ACBD5: variants seen among roughly 807,000 people sequenced by gnomAD.
ACBD5 encodes the protein acyl-CoA binding domain containing 5.
A neutral mutation model predicts 71.8 loss-of-function variants in ACBD5; 40 were observed. That is an observed-to-expected ratio of 0.56 (90% CI 0.43 to 0.72). The LOEUF is 0.72. Among genes scored for constraint, ACBD5 ranks in the 30% least tolerant of loss-of-function variants. The probability of loss-of-function intolerance (pLI) is 0.00; values close to 1 mark genes in which losing one functional copy is unlikely to be tolerated. For synonymous variants in ACBD5, 229 were observed against 218.6 expected, an observed-to-expected ratio of 1.05 and a Z score of -0.42; for missense variants, 559 against 644.5, an observed-to-expected ratio of 0.87 and a Z score of 1.44.
Position 27,205,220 on chromosome 10 carries a change from G to A in ACBD5, c.1433C>T (p.Thr478Ile), listed in dbSNP as rs939467328. The A allele has an allele frequency of 2.5e-5, 41 of 1,613,196 alleles. No individual in the cohort carries two copies. The highest frequency in any genetic ancestry group is 3.4e-5 in the Non-Finnish European group (40 of 1,179,704). The change falls in exon 11 of 13, where the codon ACT becomes ATT. Residue 478 changes from threonine (T) to isoleucine (I), a missense_variant. Thr to Ile is a moderately conservative substitution (Grantham distance 89, BLOSUM62 -1). Coordinates refer to ENST00000396271, the MANE Select transcript of ACBD5 (RefSeq NM_145698.5). ...QAKSSTSTLQ[T>I]APQPTSQRPS... The stretch of plus-strand genomic sequence containing the variant: ...TACCTGTGAGGTGGGCTGAGGAGCA[G>A]TCTGCAATGTTGATGTTGATGATTT...
At chr10:27,184,301 C>T (rs1422083055) in intron 13 of ACBD5, among the ~76,000 whole-genome samples, 2 of 152,112 alleles carry the variant, frequency 1.3e-5, no homozygotes, top group African/African-American at 4.8e-5. Context: ...TGAAGAGGGG[C>T]ATTTGAGCAG....
intron 12 of ACBD5, among the ~76,000 whole-genome samples, chr10:27,197,843 C>T (rs2059509347): frequency 1.3e-5 from 2 of 152,208 alleles, no homozygotes; most frequent in South Asian, 2.1e-4. Flanking sequence ...GACGAGGTTT[C>T]GCCATTTGAA....
chr10:27,201,121 C>A (rs959189533), intron 12 of ACBD5, among the ~76,000 whole-genome samples: 3 of 152,182 alleles, frequency 2.0e-5, no homozygotes, highest in Non-Finnish European at 4.4e-5. Context: ...TCTGATTGTA[C>A]CACTACACTG....
intron 13 of ACBD5, among the ~76,000 whole-genome samples, chr10:27,185,450 T>C (rs1318243861): frequency 1.3e-5 from 2 of 151,550 alleles, no homozygotes; most frequent in Non-Finnish European, 2.9e-5. Flanking sequence ...CTGGCCAACA[T>C]GGTGAAACCC....
chr10:27,228,815 A>ATTTTTTT lies in ACBD5; in HGVS notation c.375+2926_375+2932dup, dbSNP rs1167438554. Among the ~76,000 whole-genome samples the ATTTTTTT allele has an allele frequency of 5.9e-4, 12 of 20,364 alleles. No homozygotes were observed. The East Asian group carries it at 8.5e-3, about 14-fold the overall frequency. The allele number at this position is 20,364 out of a possible 152,430, so 13.4% of individuals were successfully genotyped here. Reference sequence around the variant, plus strand: ...TTTATATATATATATATATATATATATTTTTTTTTTTTTTTTTTTTTTTGA... The same window carrying ATTTTTTT: ...TTTATATATATATATATATATATATATTTTTTTTTTTTTTTTTTTTTTTTTTTTTTGA... On this transcript the variant is annotated intron_variant, in intron 4 of 12. Coordinates refer to ENST00000396271, the MANE Select transcript of ACBD5 (RefSeq NM_145698.5).
intron 4 of ACBD5, among the ~76,000 whole-genome samples, chr10:27,227,009 ATTTT>A (rs56406048): frequency 8.9e-5 from 7 of 78,392 alleles, no homozygotes; most frequent in African/African-American, 2.1e-4. Flanking sequence ...TTTTTTTGCG[ATTTT>A]TTTTTTTTTT....
At chr10:27,217,247 G>C (rs1177875304) in intron 7 of ACBD5, among the ~76,000 whole-genome samples, 1 of 149,902 alleles carries the variant, frequency 6.7e-6, no homozygotes, top group Admixed American at 6.7e-5. Context: ...CTTAAGGTCA[G>C]GAGTTTGAGA....
intron 4 of ACBD5, among the ~76,000 whole-genome samples, chr10:27,227,009 A>AT (rs56406048): frequency 0.2 from 15,258 of 78,064 alleles, 1,844 homozygotes; most frequent in East Asian, 0.37. Flanking sequence ...TTTTTTTGCG[A>AT]TTTTTTTTTT....
chr10:27,213,931 C>T (rs1315215408), intron 8 of ACBD5, among the ~76,000 whole-genome samples: 1 of 152,040 alleles, frequency 6.6e-6, no homozygotes, highest in African/African-American at 2.4e-5. Context: ...TGTCCATGAA[C>T]AGACGAATGG....
At chr10:27,191,346 A>T (rs552443241), downstream of ACBD5, among the ~76,000 whole-genome samples, 1 of 152,340 alleles carries the variant, frequency 6.6e-6, no homozygotes, top group East Asian at 1.9e-4. Context: ...TAGGGCAGTG[A>T]AACTACTCTG....
At chr10:27,183,121 T>C (rs1230708680) in intron 13 of ACBD5, among the ~76,000 whole-genome samples, 1 of 152,234 alleles carries the variant, frequency 6.6e-6, no homozygotes, top group Non-Finnish European at 1.5e-5. Context: ...TTTGATACTA[T>C]TATTTATTGA....
chr10:27,238,070 C>G (rs1370849607), intron 2 of ACBD5, among the ~76,000 whole-genome samples: 2 of 152,112 alleles, frequency 1.3e-5, no homozygotes, highest in Non-Finnish European at 2.9e-5. Flanking sequence ...CTCAGCCTCC[C>G]GAGTAGGTGG....
chr10:27,228,298 G>C (rs544658469), intron 4 of ACBD5, among the ~76,000 whole-genome samples: 1 of 150,898 alleles, frequency 6.6e-6, no homozygotes, highest in African/African-American at 2.4e-5. Context: ...AATTTTGGCC[G>C]GGCGTGGTGG....
chr10:27,226,449 TACACACACACAC>T lies in ACBD5; in HGVS notation c.376-3009_376-2998del, dbSNP rs66967226. 1.9e-3 allele frequency among the ~76,000 whole-genome samples: 252 copies of T among 135,038 alleles called. 3 individuals carry two copies. The East Asian group carries it at 0.02, about 11-fold the overall frequency. 88.6% of individuals were successfully genotyped at this position (135,038 alleles called of 152,430 possible). A position where few individuals can be genotyped will look rare whatever the true frequency, so the allele number is the denominator to read the frequency against. ...ACATGTACACACATGAGATACAGACTACACACACACACACACACACACACACACACACACACA... is the reference window on the plus strand; with the variant it reads ...ACATGTACACACATGAGATACAGACTACACACACACACACACACACACACA... On this transcript the variant is annotated intron_variant, in intron 4 of 12. Coordinates refer to ENST00000396271, the MANE Select transcript of ACBD5 (RefSeq NM_145698.5).
chr10:27,187,255 G>A (rs1325489101), intron 13 of ACBD5, among the ~76,000 whole-genome samples: 3 of 151,524 alleles, frequency 2.0e-5, no homozygotes, highest in East Asian at 2.0e-4. Flanking sequence ...AGCCAAGATC[G>A]TGCCACTGCA....
chr10:27,217,945 A>G (rs772740408), intron 7 of ACBD5, 35 bp downstream of exon 7: 47 of 1,581,060 alleles, frequency 3.0e-5, no homozygotes, highest in Non-Finnish European at 3.7e-5. Context: ...ATTCATAGGA[A>G]AGAGGCTGGA....
At chr10:27,193,926 G>A (rs2059189185), downstream of ACBD5, among the ~76,000 whole-genome samples, 1 of 152,108 alleles carries the variant, frequency 6.6e-6, no homozygotes, top group Admixed American at 6.6e-5. Flanking sequence ...TTATTACTCT[G>A]TAGAAGTTAC....
At position 27,196,552 on chromosome 10, in the gene ACBD5, G is replaced by A. The variant is rs1158623133; in HGVS notation, c.*878C>T. 3 of 313,558 alleles carry A rather than the reference G, an allele frequency of 9.6e-6. No homozygotes were observed. The highest frequency in any genetic ancestry group is 1.7e-5 in the South Asian group (1 of 59,530). The allele number at this position is 313,558 out of a possible 1,614,324, so 19.4% of individuals were successfully genotyped here. A position where few individuals can be genotyped will look rare whatever the true frequency, so the allele number is the denominator to read the frequency against. ...TCAGTTGCAGAAAAGTGATTTTCGT[G>A]TGTTTCCTTTTTGACTGTTGTAAAA... On this transcript the variant is annotated 3_prime_UTR_variant, in exon 13 of 13. Transcript: ENST00000396271.
intron 4 of ACBD5, among the ~76,000 whole-genome samples, chr10:27,224,999 C>T (rs1205880181): frequency 6.6e-6 from 1 of 151,962 alleles, no homozygotes; most frequent in South Asian, 2.1e-4. Flanking sequence ...CCACTGCATT[C>T]CAGCCTGGGC....
Sources: gnomAD v4.1 joint callset for allele counts (sites outside exome capture counted in the v4.1 genomes callset) on GRCh38, gnomAD v4.1.1 for gene constraint, MANE v1.5 for transcripts, NCBI Gene and HGNC (gene_info 2026-07-23, HGNC 2026-07-21) for gene names.